The following PKD1L1 variants were observed in gnomAD, a reference collection of about 807,000 sequenced individuals.
PKD1L1 encodes the protein polycystin-1-like protein 1.
Under a neutral mutation model 323.4 loss-of-function variants are expected in PKD1L1, and 236 were observed. That is an observed-to-expected ratio of 0.73 (90% confidence interval 0.66 to 0.81). PKD1L1 has a LOEUF of 0.81. Ranked by LOEUF, PKD1L1 falls within the 40% of genes least tolerant of loss-of-function variation. PKD1L1 has a pLI of 0.00. For synonymous variants in PKD1L1, 1,344 were observed against 1,335.0 expected, an observed-to-expected ratio of 1.01 and a Z score of -0.15; for missense variants, 3,320 against 3,508.0, an observed-to-expected ratio of 0.95 and a Z score of 1.35.
chr7:47,932,097 T>C (rs762211574), intron 4 of PKD1L1, 41 bp from the exon 5 acceptor site: 1 of 1,578,464 alleles, frequency 6.3e-7, no homozygotes, highest in South Asian at 1.2e-5. Flanking sequence ...GGAAACCCGG[T>C]CATGTTTCAG....
intron 26 of PKD1L1, among the ~76,000 whole-genome samples, chr7:47,864,873 G>C (rs967335206): frequency 3.3e-5 from 5 of 151,818 alleles, no homozygotes. Flanking sequence ...GATTACAGGT[G>C]CGCGCCACCA....
In PKD1L1 at chr7:47,857,354, A is replaced by C. The variant is rs528514399; in HGVS notation, c.4590+251T>G. 7.9e-5 allele frequency among the ~76,000 whole-genome samples: 12 copies of C among 152,248 alleles called. No homozygotes were observed. In the East Asian group the frequency reaches 2.1e-3, roughly 27 times the overall value. On this transcript the variant is annotated intron_variant, in intron 28 of 56. Coordinates refer to ENST00000289672, the MANE Select transcript of PKD1L1 (RefSeq NM_138295.5). ...ATGGATTAGAAGGCCTCAAGGAAACAGTGAATGGGCCCAGTGTCCCAGATA... is the reference window on the plus strand; with the variant it reads ...ATGGATTAGAAGGCCTCAAGGAAACCGTGAATGGGCCCAGTGTCCCAGATA...
At chr7:47,800,501 A>C (rs1784636303) in intron 54 of PKD1L1, 148 bp downstream of exon 54, 2 of 803,036 alleles carry the variant, frequency 2.5e-6, no homozygotes, top group African/African-American at 3.5e-5. Context: ...CTGACCTCCC[A>C]GGGCAGGTGA....
At chr7:47,917,708 T>C (rs1381329671) in intron 7 of PKD1L1, among the ~76,000 whole-genome samples, 1 of 152,172 alleles carries the variant, frequency 6.6e-6, no homozygotes, top group East Asian at 1.9e-4. Flanking sequence ...AAGAATTTTG[T>C]ATCTAGCAAA....
chr7:47,794,863 T>C (rs916680399), intron 55 of PKD1L1, among the ~76,000 whole-genome samples: 4 of 152,208 alleles, frequency 2.6e-5, no homozygotes, highest in African/African-American at 9.6e-5. Context: ...TAAAATTTGA[T>C]TGACCTGTTG....
chr7:47,946,738 C>T lies in PKD1L1; in HGVS notation c.44+1659G>A, dbSNP rs2128760031. 6.6e-6 allele frequency among the ~76,000 whole-genome samples: 1 copy of T among 152,266 alleles called. No individual in the cohort carries two copies. The highest frequency in any genetic ancestry group is 2.4e-5 in the African/African-American group (1 of 41,556). On this transcript the variant is annotated intron_variant, in intron 1 of 56. Coordinates refer to ENST00000289672, the MANE Select transcript of PKD1L1 (RefSeq NM_138295.5). The surrounding 1 kb of genome is among the most constrained non-coding windows in gnomAD (Gnocchi z 4.1). The stretch of plus-strand genomic sequence containing the variant: ...GGGCTACAGGAGAGTCAAGAAACCT[C>T]TTCTGTTTCTATGAACAAGATCAGT...
intron 16 of PKD1L1, among the ~76,000 whole-genome samples, chr7:47,888,854 T>C (rs960684543): frequency 1.3e-5 from 2 of 151,852 alleles, no homozygotes; most frequent in African/African-American, 4.8e-5. Context: ...ATCTCGGGGG[T>C]GGTTTGGGAT....
At position 47,792,628 on chromosome 7, in the gene PKD1L1, T is replaced by C. The variant is rs755522610; in HGVS notation, c.8525A>G (p.Glu2842Gly). ...LVDISSYQAA[E>G]PADIKDF is the part of the protein sequence containing the mutation. ...ATAAATAATTTTGCATGGTCTTACCTCAGCAGCTTGGTAACTAGAAATGTC... is the reference window on the plus strand; with the variant it reads ...ATAAATAATTTTGCATGGTCTTACCCCAGCAGCTTGGTAACTAGAAATGTC... Residue 2842 changes from glutamate (E) to glycine (G), a missense_variant and splice_region_variant, in exon 56 of 57, where the codon GAG (glutamate) becomes GGG (glycine). Transcript: ENST00000289672. 4 of 1,611,726 alleles carry C rather than the reference T, an allele frequency of 2.5e-6. No homozygotes were observed. The Admixed American group carries it at 6.7e-5, about 27-fold the overall frequency.
intron 56 of PKD1L1, among the ~76,000 whole-genome samples, chr7:47,790,047 C>G (rs917461454): frequency 6.6e-6 from 1 of 151,776 alleles, no homozygotes; most frequent in Non-Finnish European, 1.5e-5. Context: ...TGCCATGACG[C>G]CCAGCTAATT....
chr7:47,814,134 G>T, intron 47 of PKD1L1, 120 bp from the exon 48 acceptor site: 1 of 710,642 alleles, frequency 1.4e-6, no homozygotes, highest in Non-Finnish European at 2.3e-6. Flanking sequence ...AGAGGTCAGA[G>T]TTTTATTTTC....
chr7:47,853,183 A>G lies in PKD1L1; in HGVS notation c.4904T>C (p.Ile1635Thr). The G allele has an allele frequency of 6.2e-7, 1 of 1,613,828 alleles. No homozygotes were observed. ...PTPSDFLVKQ[I>T]YFWDESIVQI... ...CACAATTGACTCATCCCAGAAGTAG[A>G]TCTGCTTCACAAGAAAATCAGAGGG... Residue 1635 changes from isoleucine (I) to threonine (T), a missense_variant, in exon 31 of 57, where the codon ATC becomes ACC. Ile to Thr is a moderately conservative substitution (Grantham distance 89, BLOSUM62 -1). Transcript: ENST00000289672.
chr7:47,798,571 C>T (rs1014826237), intron 54 of PKD1L1, among the ~76,000 whole-genome samples: 5 of 152,028 alleles, frequency 3.3e-5, no homozygotes, highest in African/African-American at 1.2e-4. Context: ...GCCTTACCAA[C>T]ATGACGAAAC....
At chr7:47,930,559 T>C (rs36085857) in intron 6 of PKD1L1, among the ~76,000 whole-genome samples, 110,954 of 150,352 alleles carry the variant, frequency 0.74, 41,246 homozygotes, top group African/African-American at 0.87. Flanking sequence ...GGCTCATGCC[T>C]GAATCCCAGC....
At chr7:47,898,263 G>C in intron 13 of PKD1L1, 69 bp from the exon 14 acceptor site, 1 of 1,311,542 alleles carries the variant, frequency 7.6e-7, no homozygotes, top group East Asian at 2.4e-5. Flanking sequence ...TAAATTACTA[G>C]AAACTTAGTC....
chr7:47,788,575 A>ATT (rs1445798427), intron 56 of PKD1L1, among the ~76,000 whole-genome samples: 15 of 96,838 alleles, frequency 1.5e-4, no homozygotes, highest in African/African-American at 5.0e-4. Context: ...ATATATATAT[A>ATT]TATTTTTTTT....
At chr7:47,801,890 C>T (rs1222237656) in intron 53 of PKD1L1, among the ~76,000 whole-genome samples, 8 of 151,852 alleles carry the variant, frequency 5.3e-5, no homozygotes, top group Non-Finnish European at 1.0e-4. Context: ...GCTTTTTTTT[C>T]CTTACATAAA....
At chr7:47,901,444 C>T (rs2128750508) in intron 13 of PKD1L1, among the ~76,000 whole-genome samples, 1 of 151,138 alleles carries the variant, frequency 6.6e-6, no homozygotes, top group Non-Finnish European at 1.5e-5. Flanking sequence ...CTCAAGAAAA[C>T]CACTCTGTCC....
chr7:47,829,373 ATAAAG>A lies in PKD1L1; in HGVS notation c.6735+47_6735+51del, dbSNP rs959445248. ...TACATTCAGATATGCATGATAGAAT[ATAAAG>A]TAGTTTTTTAAATCTCAATTTGCAC... On this transcript the variant is annotated intron_variant, in intron 44 of 56. Transcript: ENST00000289672. 2.4e-5 allele frequency: 36 copies of A among 1,492,444 alleles called. 1 individual carries two copies. The highest frequency in any genetic ancestry group is 2.3e-4 in the Admixed American group (11 of 47,228). 92.5% of individuals were successfully genotyped at this position (1,492,444 alleles called of 1,614,324 possible).
the PKD1L1 span, among the ~76,000 whole-genome samples, chr7:47,954,093 C>T: frequency 2.6e-5 from 4 of 152,152 alleles, no homozygotes; most frequent in East Asian, 7.7e-4. Context: ...AAACACAGGG[C>T]TGTCTGGTCA....
Sources: gnomAD v4.1 joint callset for allele counts (sites outside exome capture counted in the v4.1 genomes callset) on GRCh38, gnomAD v4.1.1 for gene constraint, Gnocchi (gnomAD v3.1) non-coding constraint, MANE v1.5 for transcripts, NCBI Gene and HGNC (gene_info 2026-07-23, HGNC 2026-07-21) for gene names.